Variants in FAT2 observed in about 807,000 individuals in gnomAD.
The protein encoded by FAT2 is protocadherin Fat 2.
A neutral mutation model predicts 295.3 loss-of-function variants in FAT2; 150 were observed. The ratio of observed to expected loss-of-function variants is 0.51; its 90% CI spans 0.44 to 0.58. FAT2 has a LOEUF of 0.58. Among genes scored for constraint, FAT2 ranks in the 20% least tolerant of loss-of-function variants. The pLI is 0.00. For synonymous variants in FAT2, 2,026 were observed against 2,150.3 expected, an observed-to-expected ratio of 0.94 and a Z score of 1.60; for missense variants, 4,868 against 5,442.7, an observed-to-expected ratio of 0.89 and a Z score of 3.32.
intron 9 of FAT2, among the ~76,000 whole-genome samples, chr5:151,548,877 C>T (rs1238399264): frequency 6.6e-6 from 1 of 151,982 alleles, no homozygotes; most frequent in Non-Finnish European, 1.5e-5. Flanking sequence ...ATAGATAAAC[C>T]CATAAAATAG....
Position 151,543,714 on chromosome 5 carries a change from A to C in FAT2, c.7413T>G (p.Thr2471=). 6.2e-7 allele frequency: 1 copy of C among 1,614,182 alleles called. No homozygotes were observed. The highest frequency in any genetic ancestry group is 8.5e-7 in the Non-Finnish European group (1 of 1,180,040). ...CTGGGCTGTACTTGTTGGCATTTGT[A>C]GTGTTGATGTACACAGGCACAGTTG... is the stretch of plus-strand genomic sequence containing the variant. ...FRATVPVYIN[T]TNANKYSPEF... Residue 2471 remains threonine (T), a synonymous_variant, in exon 10 of 24, where the codon ACT becomes ACG. Coordinates refer to ENST00000261800, the MANE Select transcript of FAT2 (RefSeq NM_001447.3).
chr5:151,589,760 G>T (rs549388137), intron 1 of FAT2, among the ~76,000 whole-genome samples: 1 of 152,148 alleles, frequency 6.6e-6, no homozygotes, highest in South Asian at 2.1e-4. Flanking sequence ...AATTAGCCAG[G>T]TGTGGTGGTG....
At chr5:151,572,406 T>C (rs1175641927) in intron 1 of FAT2, among the ~76,000 whole-genome samples, 1 of 152,208 alleles carries the variant, frequency 6.6e-6, no homozygotes, top group Non-Finnish European at 1.5e-5. Context: ...AGAAAGAGAC[T>C]TGCCCAAAGT....
rs1758109703 is a variant in FAT2, at chr5:151,563,371, G to A, written c.3528C>T (p.Ile1176=). 6.2e-7 allele frequency: 1 copy of A among 1,614,228 alleles called. No individual in the cohort carries two copies. The highest frequency in any genetic ancestry group is 8.5e-7 in the Non-Finnish European group (1 of 1,180,036). The change falls in exon 3 of 24, where the codon ATC becomes ATT. Residue 1176 remains isoleucine (I), a synonymous_variant. Coordinates refer to ENST00000261800, the MANE Select transcript of FAT2 (RefSeq NM_001447.3). ...SSSKGKLTFN[I]TSGNYMGFFM... ...AGAATCCCATGTAGTTCCCACTGGT[G>A]ATGTTGAAGGTCAGCTTCCCTTTGG...
At chr5:151,547,672 C>T (rs1017423642) in intron 9 of FAT2, among the ~76,000 whole-genome samples, 17 of 152,044 alleles carry the variant, frequency 1.1e-4, no homozygotes, top group African/African-American at 2.4e-5. Context: ...AATGAGTAGC[C>T]GTTTTAAAGT....
In FAT2 at chr5:151,505,816, A is replaced by AG; in HGVS notation, c.12798dup (p.Cys4267LeufsTer4). ...CTGATGGCCGTGTACTCATTGAGACAGGGGGCAACCAGGCGCTCCCGGGGA... is the reference window on the plus strand; with the variant it reads ...CTGATGGCCGTGTACTCATTGAGACAGGGGGGCAACCAGGCGCTCCCGGGGA... On this transcript the variant is annotated frameshift_variant, in exon 24 of 24. Transcript: ENST00000261800. LOFTEE classifies it high-confidence loss of function. The AG allele has an allele frequency of 6.2e-7, 1 of 1,613,278 alleles. No individual in the cohort carries two copies. Among genetic ancestry groups the AG allele is most frequent in the Admixed American group, 1.7e-5 (1 of 59,866 alleles).
chr5:151,526,859 T>G (rs1754063101), intron 17 of FAT2, among the ~76,000 whole-genome samples: 2 of 152,158 alleles, frequency 1.3e-5, no homozygotes, highest in Admixed American at 1.3e-4. Context: ...AAATCCTATT[T>G]GCAAACCATT....
In FAT2 at chr5:151,543,325, T is replaced by C; in HGVS notation, c.7802A>G (p.Asp2601Gly). Residue 2601 changes from aspartate (D) to glycine (G), a missense_variant, in exon 10 of 24, where the codon GAC becomes GGC. By Grantham distance (94) the Asp-to-Gly change is moderately conservative. Transcript: ENST00000261800. ...TVSIQSNVSK[D>G]SPVIQVLAYD... ...GGCCAACACCTGGATAACCGGAGAGTCTTTACTGACATTGGATTGAATGGA... is the reference window on the plus strand; with the variant it reads ...GGCCAACACCTGGATAACCGGAGAGCCTTTACTGACATTGGATTGAATGGA... 6.2e-7 allele frequency: 1 copy of C among 1,613,784 alleles called. No homozygotes were observed. The highest frequency in any genetic ancestry group is 8.5e-7 in the Non-Finnish European group (1 of 1,179,954).
Position 151,566,448 on chromosome 5 carries a change from G to A in FAT2, c.2484C>T (p.Thr828=). 1 of 1,613,422 alleles carries A rather than the reference G, an allele frequency of 6.2e-7. No homozygotes were observed. Among genetic ancestry groups the A allele is most frequent in the Non-Finnish European group, 8.5e-7 (1 of 1,179,684 alleles). The part of the protein sequence containing the change: ...PRFPPGGYQL[T]ISEDTEVGTT... ...TTCCAACTTCTGTGTCCTCCGAGAT[G>A]GTTAACTGGTACCCACCGGGAGGAA... is the stretch of plus-strand genomic sequence containing the variant. Residue 828 remains threonine (T), a synonymous_variant, in exon 2 of 24, where the codon ACC becomes ACT. Transcript: ENST00000261800.
In FAT2 at chr5:151,568,666, A is replaced by G. The variant is rs1561879162; in HGVS notation, c.266T>C (p.Val89Ala). 6.2e-7 allele frequency: 1 copy of G among 1,614,184 alleles called. No homozygotes were observed. Among genetic ancestry groups the G allele is most frequent in the Admixed American group, 1.7e-5 (1 of 60,026 alleles). ...TATTCTTAGGAAGCAGAAGTTGCCC[A>G]CCACATACTCCTCAGTTTTAAATAC... ...ANVFKTEEYV[V>A]GNFCFLRIRT... The change falls in exon 2 of 24, where the codon GTG becomes GCG. Residue 89 changes from valine to alanine, a missense_variant. Around this residue, in one of 5 missense-constraint regions of FAT2, gnomAD observed 3,297 missense variants for 3,669.4 expected, o/e 0.90. Coordinates refer to ENST00000261800, the MANE Select transcript of FAT2 (RefSeq NM_001447.3).
intron 3 of FAT2, among the ~76,000 whole-genome samples, chr5:151,560,604 C>A (rs1192395514): frequency 6.6e-6 from 1 of 151,920 alleles, no homozygotes; most frequent in Non-Finnish European, 1.5e-5. Context: ...CTTCCTCCTT[C>A]TTCTGAGTGG....
chr5:151,591,775 G>A (rs1759421132), upstream of FAT2, among the ~76,000 whole-genome samples: 1 of 152,204 alleles, frequency 6.6e-6, no homozygotes, highest in South Asian at 2.1e-4. Context: ...GCTTGGGTGA[G>A]TTACTTAGTC....
chr5:151,555,285 C>T (rs1406096761), intron 4 of FAT2, among the ~76,000 whole-genome samples: 1 of 151,742 alleles, frequency 6.6e-6, no homozygotes, highest in African/African-American at 2.4e-5. Flanking sequence ...AGGTAAATAT[C>T]TGTTACTGAA....
At chr5:151,587,149 C>CA (rs902654540) in intron 1 of FAT2, among the ~76,000 whole-genome samples, 3 of 145,596 alleles carry the variant, frequency 2.1e-5, no homozygotes, top group Admixed American at 6.8e-5. Context: ...CTCAAAAAAA[C>CA]AAAAAACAAA....
rs1561874370 is a variant in FAT2 at position 151,566,200 on chromosome 5, AG to A, written c.2731del (p.Leu911Ter). The A allele has an allele frequency of 6.2e-7, 1 of 1,614,134 alleles. No homozygotes were observed. Among genetic ancestry groups the A allele is most frequent in the East Asian group, 2.2e-5 (1 of 44,880 alleles). ...KGHQLFSVTD[L>X]IITLEDVNDN... Reference sequence around the variant, plus strand: ...GTTGACATCCTCCAATGTGATTATCAGGTCAGTGACAGAGAAGAGCTGGTGG... The same window carrying A: ...GTTGACATCCTCCAATGTGATTATCAGTCAGTGACAGAGAAGAGCTGGTGG... On this transcript the variant is annotated frameshift_variant, in exon 2 of 24. Transcript: ENST00000261800. LOFTEE classifies it high-confidence loss of function.
chr5:151,541,400 C>T (rs1756123698), intron 10 of FAT2, among the ~76,000 whole-genome samples: 1 of 152,204 alleles, frequency 6.6e-6, no homozygotes, highest in South Asian at 2.1e-4. Flanking sequence ...TTTTAGGAGT[C>T]TGATATTTTA....
chr5:151,592,408 G>T (rs182060762), upstream of FAT2, among the ~76,000 whole-genome samples: 79 of 152,218 alleles, frequency 5.2e-4, no homozygotes, highest in African/African-American at 1.7e-3. Context: ...AAGCAACTCT[G>T]CAACCATTCT....
At position 151,568,674 on chromosome 5, in the gene FAT2, C is replaced by T. The variant is rs2127650544; in HGVS notation, c.258G>A (p.Glu86=). 1 of 1,614,216 alleles carries T rather than the reference C, an allele frequency of 6.2e-7. No individual in the cohort carries two copies. The highest frequency in any genetic ancestry group is 8.5e-7 in the Non-Finnish European group (1 of 1,180,048). The change falls in exon 2 of 24, where the codon GAG becomes GAA. Residue 86 remains glutamate (E), a synonymous_variant. Transcript: ENST00000261800. Reference sequence around the variant, plus strand: ...GGAAGCAGAAGTTGCCCACCACATACTCCTCAGTTTTAAATACATTGGCCA... The same window carrying T: ...GGAAGCAGAAGTTGCCCACCACATATTCCTCAGTTTTAAATACATTGGCCA... ...GDVANVFKTE[E]YVVGNFCFLR...
rs1331956481 is a variant in FAT2 at position 151,534,443 on chromosome 5, A to G, written c.9393T>C (p.Pro3131=). 1.9e-6 allele frequency: 3 copies of G among 1,612,784 alleles called. No individual in the cohort carries two copies. In the African/African-American group the frequency reaches 4.0e-5, roughly 22 times the overall value. ...AVFDNTTVKT[P]VAVVFARDPD... ...GATCCCGGGCAAATACTACAGCCAC[A>G]GGGGTCTTCACTGTGGTGTTGTCGA... The change falls in exon 13 of 24, where the codon CCT becomes CCC. Residue 3131 remains proline, a synonymous_variant. Coordinates refer to ENST00000261800, the MANE Select transcript of FAT2 (RefSeq NM_001447.3).
Sources: gnomAD v4.1 joint callset for allele counts (sites outside exome capture counted in the v4.1 genomes callset) on GRCh38, gnomAD v4.1.1 for gene constraint, gnomAD v4.1.1 regional missense constraint, MANE v1.5 for transcripts, NCBI Gene and HGNC (gene_info 2026-07-23, HGNC 2026-07-21) for gene names.